The following CNOT6 variants were observed in gnomAD, a reference collection of about 807,000 sequenced individuals.
CNOT6 encodes carbon catabolite repression 4 protein.
Under a neutral mutation model 61.2 loss-of-function variants are expected in CNOT6, and 12 were observed. The observed-to-expected ratio is 0.20, with a 90% confidence interval of 0.13 to 0.32. The LOEUF (loss-of-function observed/expected upper bound fraction) is 0.32. Ranked by LOEUF, CNOT6 falls within the 10% of genes least tolerant of loss-of-function variation. The pLI is 1.00. For missense variants in CNOT6, 405 were observed against 663.9 expected, an observed-to-expected ratio of 0.61 and a Z score of 4.28; for synonymous variants, 225 against 240.6, an observed-to-expected ratio of 0.94 and a Z score of 0.60.
chr5:180,514,772 A>C (rs1402122670), intron 1 of CNOT6, among the ~76,000 whole-genome samples: 1 of 152,238 alleles, frequency 6.6e-6, no homozygotes, highest in Non-Finnish European at 1.5e-5. Context: ...TTTGTTGAAT[A>C]AATGATTCTG....
chr5:180,561,813 T>C (rs952014181), intron 4 of CNOT6, among the ~76,000 whole-genome samples: 1 of 152,178 alleles, frequency 6.6e-6, no homozygotes, highest in Non-Finnish European at 1.5e-5. Context: ...TGCAGGGAGA[T>C]GGTGAAAGTC....
intron 2 of CNOT6, among the ~76,000 whole-genome samples, chr5:180,538,300 G>A (rs13185177): frequency 0.47 from 70,293 of 150,922 alleles, 17,377 homozygotes; most frequent in Non-Finnish European, 0.56. Context: ...GGGCCTCCCA[G>A]AGTGCTGGGA....
At chr5:180,550,427 G>C (rs1759539409) in intron 3 of CNOT6, among the ~76,000 whole-genome samples, 1 of 152,128 alleles carries the variant, frequency 6.6e-6, no homozygotes, top group Non-Finnish European at 1.5e-5. Context: ...TCCAGCCTGG[G>C]TGACAGAGCG....
In CNOT6 at chr5:180,569,329, T is replaced by G; in HGVS notation, c.1247T>G (p.Leu416Trp). The G allele has an allele frequency of 6.3e-7, 1 of 1,597,852 alleles. No individual in the cohort carries two copies. Among genetic ancestry groups the G allele is most frequent in the Non-Finnish European group, 8.6e-7 (1 of 1,166,242 alleles). ...GTGTTATGTGCAGATCTTAATTCTT[T>G]GCCAGACTCTGGTAAGAAAATAATG... is the stretch of plus-strand genomic sequence containing the variant. ...PLVLCADLNSLPDSGVVEYLS... is the reference protein window; with the variant it reads ...PLVLCADLNSWPDSGVVEYLS... The change falls in exon 10 of 12, where the codon TTG becomes TGG. Residue 416 changes from leucine to tryptophan, a missense_variant. Leu to Trp is a moderately conservative substitution (Grantham distance 61, BLOSUM62 -2). Transcript: ENST00000261951.
At position 180,575,280 on chromosome 5, in the gene CNOT6, A is replaced by G. The variant is rs1310942977; in HGVS notation, c.*1080A>G. 2.0e-5 allele frequency: 3 copies of G among 151,776 alleles called. No individual in the cohort carries two copies. Among genetic ancestry groups the G allele is most frequent in the African/African-American group, 7.3e-5 (3 of 41,292 alleles). 9.4% of individuals were successfully genotyped at this position (151,776 alleles called of 1,614,324 possible). ...TTTGTATGAGCTGTGGCTTTTTCCCATTGTGAAGCATTGAATATCACATTT... is the reference window on the plus strand; with the variant it reads ...TTTGTATGAGCTGTGGCTTTTTCCCGTTGTGAAGCATTGAATATCACATTT... On this transcript the variant is annotated 3_prime_UTR_variant, in exon 12 of 12. Transcript: ENST00000261951.
intron 2 of CNOT6, among the ~76,000 whole-genome samples, chr5:180,531,393 C>T (rs1194569588): frequency 2.6e-5 from 4 of 151,454 alleles, no homozygotes; most frequent in Non-Finnish European, 5.9e-5. Context: ...CACGGGGCGG[C>T]GGGGCAGAGG....
intron 1 of CNOT6, among the ~76,000 whole-genome samples, chr5:180,503,897 G>A (rs1043208887): frequency 6.6e-6 from 1 of 152,068 alleles, no homozygotes; most frequent in Non-Finnish European, 1.5e-5. Flanking sequence ...GAGCCACTGC[G>A]CCTGGCCCCT....
At position 180,550,207 on chromosome 5, in the gene CNOT6, C is replaced by T. The variant is rs184141375; in HGVS notation, c.299+90C>T. 51 of 1,004,678 alleles carry T rather than the reference C, an allele frequency of 5.1e-5. No individual in the cohort carries two copies. In the African/African-American group the frequency reaches 6.2e-4, roughly 12 times the overall value. 62.2% of individuals were successfully genotyped at this position (1,004,678 alleles called of 1,614,324 possible). On this transcript the variant is annotated intron_variant, in intron 3 of 11. Transcript: ENST00000261951. Reference sequence around the variant, plus strand: ...CAGTGGCTTATGCCTGTAATTCTAGCGTTTTGGGAGGCTGCGAGAGGATCA... The same window carrying T: ...CAGTGGCTTATGCCTGTAATTCTAGTGTTTTGGGAGGCTGCGAGAGGATCA...
chr5:180,575,642 T>A lies in CNOT6; in HGVS notation c.*1442T>A, dbSNP rs945413592. On this transcript the variant is annotated 3_prime_UTR_variant, in exon 12 of 12. Transcript: ENST00000261951. ...AAAAATTACATCATACCGTCTATTT[T>A]GCCCATAGTGCCATTTAGAGATGAA... 1.3e-5 allele frequency: 2 copies of A among 152,644 alleles called. No homozygotes were observed. Among genetic ancestry groups the A allele is most frequent in the South Asian group, 4.1e-4 (2 of 4,832 alleles). 9.5% of individuals were successfully genotyped at this position (152,644 alleles called of 1,614,324 possible).
intron 11 of CNOT6, 26 bp downstream of exon 11, chr5:180,571,458 TCAAA>T: frequency 1.3e-6 from 2 of 1,556,182 alleles, no homozygotes; most frequent in Non-Finnish European, 1.8e-6. Flanking sequence ...GATAAGCTTT[TCAAA>T]CCTGTCTTTT....
chr5:180,557,748 G>C (rs12188182), intron 4 of CNOT6, among the ~76,000 whole-genome samples: 63,895 of 151,996 alleles, frequency 0.42, 14,914 homozygotes, highest in Non-Finnish European at 0.54. Flanking sequence ...CCTGATTCTT[G>C]TTTCAAGTCT....
chr5:180,569,569 C>T (rs1311107046), intron 10 of CNOT6, among the ~76,000 whole-genome samples: 3 of 152,244 alleles, frequency 2.0e-5, no homozygotes, highest in Non-Finnish European at 2.9e-5. Context: ...AACACATAAG[C>T]AATAACGTGA....
chr5:180,547,620 A>G (rs1759378430), intron 2 of CNOT6, among the ~76,000 whole-genome samples: 1 of 152,064 alleles, frequency 6.6e-6, no homozygotes, highest in East Asian at 1.9e-4. Context: ...TCCCATATGA[A>G]ATGTTTTTCC....
chr5:180,545,936 A>T (rs1759292724), intron 2 of CNOT6, among the ~76,000 whole-genome samples: 2 of 152,218 alleles, frequency 1.3e-5, no homozygotes, highest in South Asian at 4.1e-4. Context: ...GCATCTTTTC[A>T]TGTGATTATT....
At chr5:180,573,189 A>G (rs1179116052) in intron 11 of CNOT6, among the ~76,000 whole-genome samples, 1 of 152,174 alleles carries the variant, frequency 6.6e-6, no homozygotes, top group Non-Finnish European at 1.5e-5. Context: ...GTGCTTCAGT[A>G]CATTTGGCCA....
At chr5:180,513,889 G>A (rs1391277118) in intron 1 of CNOT6, among the ~76,000 whole-genome samples, 29 of 151,126 alleles carry the variant, frequency 1.9e-4, no homozygotes, top group Admixed American at 1.9e-3. Context: ...ATTTTTGGTA[G>A]AGACGGGGTT....
At chr5:180,558,517 A>AAAC (rs1415492521) in intron 4 of CNOT6, among the ~76,000 whole-genome samples, 1 of 151,150 alleles carries the variant, frequency 6.6e-6, no homozygotes, top group Non-Finnish European at 1.5e-5. Context: ...CCTTAAAAAA[A>AAAC]AAAACAAAAA....
chr5:180,508,830 A>ATTT (rs777763291), intron 1 of CNOT6, among the ~76,000 whole-genome samples: 13 of 118,016 alleles, frequency 1.1e-4, no homozygotes, highest in East Asian at 6.5e-4. Context: ...TATTATTATT[A>ATTT]TTATTTTTTT....
At chr5:180,512,445 A>G (rs1321758267) in intron 1 of CNOT6, among the ~76,000 whole-genome samples, 2 of 152,240 alleles carry the variant, frequency 1.3e-5, no homozygotes, top group East Asian at 1.9e-4. Flanking sequence ...GAAAGGTGGA[A>G]TATTTTGAAT....
Sources: allele counts gnomAD v4.1 joint callset (sites outside exome capture counted in the v4.1 genomes callset), GRCh38; gene constraint gnomAD v4.1.1; transcripts MANE v1.5; gene names NCBI Gene and HGNC (gene_info 2026-07-23, HGNC 2026-07-21).